SLC8A3: variants seen among roughly 807,000 people sequenced by gnomAD.
SLC8A3 encodes sodium/calcium exchanger 3.
Under a neutral mutation model 65.4 loss-of-function variants are expected in SLC8A3, and 37 were observed. The ratio of observed to expected loss-of-function variants is 0.57; its 90% confidence interval spans 0.44 to 0.74. The LOEUF is 0.74. Ranked by LOEUF, SLC8A3 falls within the 30% of genes least tolerant of loss-of-function variation. The probability of loss-of-function intolerance (pLI) is 0.00; values close to 1 mark genes in which losing one functional copy is unlikely to be tolerated. For missense variants in SLC8A3, 1,112 were observed against 1,172.1 expected, an observed-to-expected ratio of 0.95 and a Z score of 0.75; for synonymous variants, 461 against 444.5, an observed-to-expected ratio of 1.04 and a Z score of -0.47.
chr14:70,142,556 T>C (rs1430034471), intron 2 of SLC8A3, among the ~76,000 whole-genome samples: 3 of 152,214 alleles, frequency 2.0e-5, no homozygotes, highest in African/African-American at 4.8e-5. Flanking sequence ...AATTTAACCA[T>C]AGACTGGCTG....
chr14:70,114,994 A>C (rs1056363810), intron 2 of SLC8A3, among the ~76,000 whole-genome samples: 1 of 152,146 alleles, frequency 6.6e-6, no homozygotes, highest in Non-Finnish European at 1.5e-5. Context: ...CTCCCTAATC[A>C]GGAGACACGA....
At chr14:70,088,768 C>T (rs1035313461) in intron 2 of SLC8A3, among the ~76,000 whole-genome samples, 1 of 152,158 alleles carries the variant, frequency 6.6e-6, no homozygotes, top group African/African-American at 2.4e-5. Context: ...GCTTCTTCTC[C>T]TCCTTTAATC....
intron 2 of SLC8A3, among the ~76,000 whole-genome samples, chr14:70,149,482 T>A (rs1246047499): frequency 6.6e-6 from 1 of 152,132 alleles, no homozygotes; most frequent in South Asian, 2.1e-4. Flanking sequence ...CCCAGAGATA[T>A]GGTTCCACTC....
chr14:70,134,143 T>G (rs6573931), intron 2 of SLC8A3, among the ~76,000 whole-genome samples: 150,781 of 152,270 alleles, frequency 0.99, 74,665 homozygotes, highest in East Asian at 1. Flanking sequence ...ACACTGCCTT[T>G]TCCTACATTG....
At chr14:70,102,046 G>T (rs752110400) in intron 2 of SLC8A3, among the ~76,000 whole-genome samples, 59 of 152,144 alleles carry the variant, frequency 3.9e-4, no homozygotes, top group Non-Finnish European at 3.1e-4. Flanking sequence ...CAAGTCTTTG[G>T]CTGAAGGCTG....
chr14:70,127,360 C>T (rs1894534804), intron 2 of SLC8A3, among the ~76,000 whole-genome samples: 1 of 151,934 alleles, frequency 6.6e-6, no homozygotes, highest in African/African-American at 2.4e-5. Flanking sequence ...GACTTTTTGA[C>T]CCCGCCCAGG....
At chr14:70,145,148 G>A (rs59320034) in intron 2 of SLC8A3, among the ~76,000 whole-genome samples, 2,019 of 152,326 alleles carry the variant, frequency 0.013, 38 homozygotes, top group African/African-American at 0.046. Flanking sequence ...ATTATAAGAT[G>A]TGGTTCATAT....
At chr14:70,096,812 TC>T (rs974010177) in intron 2 of SLC8A3, among the ~76,000 whole-genome samples, 1 of 152,194 alleles carries the variant, frequency 6.6e-6, no homozygotes, top group African/African-American at 2.4e-5. Flanking sequence ...TTTCATCTTT[TC>T]CACTTTGGTC....
intron 3 of SLC8A3, among the ~76,000 whole-genome samples, chr14:70,056,487 T>C (rs1399376339): frequency 6.6e-6 from 1 of 152,202 alleles, no homozygotes; most frequent in Admixed American, 6.5e-5. Flanking sequence ...CTGCAGAATG[T>C]TTTCCTTGAA....
At chr14:70,063,957 G>A (rs760536155) in intron 2 of SLC8A3, 10 of 1,272,744 alleles carry the variant, frequency 7.9e-6, no homozygotes, top group African/African-American at 2.9e-5. Context: ...AGTATCATAA[G>A]CAAGGAGTAG....
intron 2 of SLC8A3, among the ~76,000 whole-genome samples, chr14:70,164,818 G>A (rs1295685143): frequency 6.6e-6 from 1 of 152,130 alleles, no homozygotes; most frequent in African/African-American, 2.4e-5. Flanking sequence ...ATAATCATGT[G>A]AAATTCCATG....
chr14:70,104,127 A>G (rs551339722), intron 2 of SLC8A3, among the ~76,000 whole-genome samples: 1 of 152,216 alleles, frequency 6.6e-6, no homozygotes, highest in South Asian at 2.1e-4. Context: ...GTTTCAAATT[A>G]CATGGAACAA....
At chr14:70,113,961 T>G (rs1341349340) in intron 2 of SLC8A3, among the ~76,000 whole-genome samples, 1 of 152,218 alleles carries the variant, frequency 6.6e-6, no homozygotes, top group Non-Finnish European at 1.5e-5. Flanking sequence ...TCTGAAGATT[T>G]GAGAATAAGT....
At chr14:70,124,667 G>A (rs1894320801) in intron 2 of SLC8A3, among the ~76,000 whole-genome samples, 1 of 152,236 alleles carries the variant, frequency 6.6e-6, no homozygotes, top group Admixed American at 6.5e-5. Flanking sequence ...GCCATCTCCT[G>A]TAGGCCTGTC....
chr14:70,078,449 T>G (rs146175493), intron 2 of SLC8A3, among the ~76,000 whole-genome samples: 28 of 152,316 alleles, frequency 1.8e-4, no homozygotes, highest in African/African-American at 6.7e-4. Flanking sequence ...CATTATATTA[T>G]CTGATTCTCA....
intron 2 of SLC8A3, among the ~76,000 whole-genome samples, chr14:70,069,009 G>A (rs1347225837): frequency 2.0e-5 from 3 of 152,144 alleles, no homozygotes; most frequent in Non-Finnish European, 4.4e-5. Context: ...TGAGCCACTG[G>A]GCCTGGTCAA....
intron 1 of SLC8A3, chr14:70,187,143 G>A (rs1883312846): frequency 6.6e-6 from 1 of 152,512 alleles, no homozygotes; most frequent in Admixed American, 6.5e-5. Context: ...CAGGAGCTTG[G>A]CTGCGCCTGC....
chr14:70,086,770 G>A (rs1353112200), intron 2 of SLC8A3, among the ~76,000 whole-genome samples: 2 of 151,972 alleles, frequency 1.3e-5, no homozygotes, highest in Non-Finnish European at 2.9e-5. Flanking sequence ...CTCTGTAATG[G>A]GCTATTTTTG....
chr14:70,063,920 A>G (rs140208080), intron 2 of SLC8A3: 214 of 1,593,928 alleles, frequency 1.3e-4, no homozygotes, highest in Middle Eastern at 1.2e-3. Context: ...CCTTGATGTG[A>G]ATTGTTTTGC....
Sources: gnomAD v4.1 joint callset for allele counts (sites outside exome capture counted in the v4.1 genomes callset) on GRCh38, gnomAD v4.1.1 for gene constraint, MANE v1.5 for transcripts, NCBI Gene and HGNC (gene_info 2026-07-23, HGNC 2026-07-21) for gene names.